Variants in ANKRD29 observed in about 807,000 individuals in gnomAD.
ANKRD29 encodes ankyrin repeat domain-containing protein 29.
Under a neutral mutation model 38.0 loss-of-function variants are expected in ANKRD29, and 32 were observed. The ratio of observed to expected loss-of-function variants is 0.84; its 90% CI spans 0.64 to 1.13. The LOEUF (loss-of-function observed/expected upper bound fraction) is 1.13, where lower values mean the gene tolerates loss of function less well. ANKRD29 is among the 50% of genes most tolerant of loss of function. ANKRD29 has a pLI of 0.00. For missense variants in ANKRD29, 357 were observed against 377.9 expected, an observed-to-expected ratio of 0.94 and a Z score of 0.46; for synonymous variants, 135 against 152.4, an observed-to-expected ratio of 0.89 and a Z score of 0.84.
chr18:23,643,100 A>G (rs1293212011), intron 3 of ANKRD29, among the ~76,000 whole-genome samples: 2 of 152,312 alleles, frequency 1.3e-5, no homozygotes, highest in East Asian at 1.9e-4. Flanking sequence ...CTGGGAGATT[A>G]TAAGAATCTA....
At chr18:23,640,610 T>C (rs1013554850) in intron 3 of ANKRD29, among the ~76,000 whole-genome samples, 11 of 152,198 alleles carry the variant, frequency 7.2e-5, no homozygotes, top group African/African-American at 2.7e-4. Context: ...AAATTTAAAC[T>C]GATCATGACA....
At chr18:23,637,142 T>A (rs992179740) in intron 4 of ANKRD29, among the ~76,000 whole-genome samples, 1 of 152,214 alleles carries the variant, frequency 6.6e-6, no homozygotes, top group Admixed American at 6.5e-5. Context: ...CCAAGAAGAC[T>A]GAAGCAGCCA....
At chr18:23,601,362 A>G in intron 9 of ANKRD29, 53 bp from the exon 10 acceptor site, 1 of 1,516,458 alleles carries the variant, frequency 6.6e-7, no homozygotes, top group Non-Finnish European at 9.2e-7. Flanking sequence ...GTGTGGTTTT[A>G]GGGACTCCAA....
Position 23,601,168 on chromosome 18 carries a change from AT to A in ANKRD29, c.*57del. ...AATTTCCAACACTGCTTGAAATGCAATTTCTTTTTGGACAATGTGGTTAAGC... is the reference window on the plus strand; with the variant it reads ...AATTTCCAACACTGCTTGAAATGCAATTCTTTTTGGACAATGTGGTTAAGC... On this transcript the variant is annotated 3_prime_UTR_variant, in exon 10 of 10. Coordinates refer to ENST00000592179, the MANE Select transcript of ANKRD29 (RefSeq NM_173505.4). The A allele has an allele frequency of 6.7e-7, 1 of 1,495,980 alleles. No homozygotes were observed. Among genetic ancestry groups the A allele is most frequent in the Admixed American group, 1.8e-5 (1 of 54,396 alleles). The allele number at this position is 1,495,980 out of a possible 1,614,324, so 92.7% of individuals were successfully genotyped here.
chr18:23,662,210 A>G (rs2060371916), intron 1 of ANKRD29, among the ~76,000 whole-genome samples: 1 of 152,092 alleles, frequency 6.6e-6, no homozygotes, highest in Non-Finnish European at 1.5e-5. Flanking sequence ...AAATGTGGGG[A>G]TTAGATGGAA....
intron 4 of ANKRD29, among the ~76,000 whole-genome samples, 159 bp from the exon 5 acceptor site, chr18:23,634,308 G>C (rs1417464389): frequency 2.1e-5 from 1 of 48,232 alleles, no homozygotes; most frequent in African/African-American, 1.7e-4. Context: ...TTTTTTTTTT[G>C]AGATGGAGTC....
At chr18:23,644,692 G>A (rs2060116961) in intron 3 of ANKRD29, among the ~76,000 whole-genome samples, 1 of 152,178 alleles carries the variant, frequency 6.6e-6, no homozygotes, top group Non-Finnish European at 1.5e-5. Context: ...ACGGGTGGTG[G>A]GAAGGACATC....
At position 23,632,531 on chromosome 18, in the gene ANKRD29, G is replaced by GTATATATATATATA. The variant is rs772817461; in HGVS notation, c.429+1519_429+1520insTATATATATATATA. On this transcript the variant is annotated intron_variant, in intron 5 of 9. Transcript: ENST00000592179. ...TCCTATTCAGTGTGTGTGTGTGTGT[G>GTATATATATATATA]TGTATATATATATATATTACACACT... Among the ~76,000 whole-genome samples, 402 of 126,884 alleles carry GTATATATATATATA rather than the reference G, an allele frequency of 3.2e-3. 4 individuals carry two copies. The highest frequency in any genetic ancestry group is 7.2e-3 in the South Asian group (26 of 3,624). 83.2% of individuals were successfully genotyped at this position (126,884 alleles called of 152,430 possible).
chr18:23,638,058 C>T (rs1285470845), intron 4 of ANKRD29, among the ~76,000 whole-genome samples: 2 of 131,798 alleles, frequency 1.5e-5, no homozygotes, highest in African/African-American at 3.0e-5. Context: ...AGTGCAGTAG[C>T]GTGATCTTGG....
At position 23,617,839 on chromosome 18, in the gene ANKRD29, G is replaced by A. The variant is rs2059744538; in HGVS notation, c.628-12C>T. ...GCTGTTGTGCCATCCTTAACAGAAA[G>A]AGGAAAATAAAAGTTGATTATTAAC... On this transcript the variant is annotated splice_polypyrimidine_tract_variant and intron_variant, in intron 7 of 9. Transcript: ENST00000592179. 6.2e-7 allele frequency: 1 copy of A among 1,610,366 alleles called. No homozygotes were observed. Among genetic ancestry groups the A allele is most frequent in the Admixed American group, 1.7e-5 (1 of 59,946 alleles).
chr18:23,639,024 A>C, intron 3 of ANKRD29, 77 bp from the exon 4 acceptor site: 1 of 1,137,924 alleles, frequency 8.8e-7, no homozygotes, highest in Non-Finnish European at 1.3e-6. Context: ...CAAAGAAAAC[A>C]AAACAATATC....
intron 9 of ANKRD29, among the ~76,000 whole-genome samples, chr18:23,603,340 ACT>A (rs1185419274): frequency 2.0e-5 from 3 of 152,166 alleles, no homozygotes; most frequent in Non-Finnish European, 2.9e-5. Flanking sequence ...AATATCAAAA[ACT>A]CACATTCTGG....
chr18:23,639,779 G>GC (rs2060049955), intron 3 of ANKRD29, among the ~76,000 whole-genome samples: 1 of 152,108 alleles, frequency 6.6e-6, no homozygotes. Context: ...CAAGTGAGCT[G>GC]CCCACCTTGG....
chr18:23,609,589 G>A (rs2059615899), intron 9 of ANKRD29, among the ~76,000 whole-genome samples: 1 of 152,194 alleles, frequency 6.6e-6, no homozygotes, highest in African/African-American at 2.4e-5. Context: ...CTTGGATTCA[G>A]GAGGGTCCAA....
At chr18:23,654,958 T>C (rs568580400) in intron 1 of ANKRD29, among the ~76,000 whole-genome samples, 9 of 152,326 alleles carry the variant, frequency 5.9e-5, no homozygotes, top group Admixed American at 5.9e-4. Context: ...CGTACACTTA[T>C]TAATTCAATC....
intron 6 of ANKRD29, among the ~76,000 whole-genome samples, chr18:23,623,166 C>T (rs2059817393): frequency 6.6e-6 from 1 of 152,136 alleles, no homozygotes; most frequent in South Asian, 2.1e-4. Flanking sequence ...TTAATTTGTA[C>T]TTTTGTTCAC....
At chr18:23,602,353 G>C (rs1469257192) in intron 9 of ANKRD29, among the ~76,000 whole-genome samples, 1 of 152,064 alleles carries the variant, frequency 6.6e-6, no homozygotes, top group Non-Finnish European at 1.5e-5. Context: ...CTTTTGATGA[G>C]AAGGCAGAGA....
chr18:23,626,288 T>G (rs117447896), intron 6 of ANKRD29, among the ~76,000 whole-genome samples: 2,693 of 152,364 alleles, frequency 0.018, 43 homozygotes, highest in South Asian at 0.091. Flanking sequence ...AAAGAAATAC[T>G]GTTTAGCACA....
chr18:23,660,719 A>G (rs1312546182), intron 1 of ANKRD29, among the ~76,000 whole-genome samples: 2 of 152,234 alleles, frequency 1.3e-5, no homozygotes, highest in Non-Finnish European at 2.9e-5. Context: ...AGCCAGGAGA[A>G]TCGCTTGAAC....
Sources: gnomAD v4.1 joint callset for allele counts (sites outside exome capture counted in the v4.1 genomes callset) on GRCh38, gnomAD v4.1.1 for gene constraint, MANE v1.5 for transcripts, NCBI Gene and HGNC (gene_info 2026-07-23, HGNC 2026-07-21) for gene names.